SH3BP5L: variants seen among roughly 807,000 people sequenced by gnomAD.
The protein encoded by SH3BP5L is SH3 domain-binding protein 5-like.
A neutral mutation model predicts 40.9 loss-of-function variants in SH3BP5L; 16 were observed. That is an observed-to-expected ratio of 0.39 (90% CI 0.27 to 0.59). The LOEUF (loss-of-function observed/expected upper bound fraction) is 0.59. SH3BP5L is among the 20% of genes least tolerant of loss of function. The pLI is 0.53. For missense variants in SH3BP5L, 471 were observed against 544.6 expected, an observed-to-expected ratio of 0.86 and a Z score of 1.35; for synonymous variants, 229 against 226.7, an observed-to-expected ratio of 1.01 and a Z score of -0.09.
intron 3 of SH3BP5L, 36 bp from the exon 4 acceptor site, chr1:248,816,698 T>G (rs751394994): frequency 2.7e-5 from 44 of 1,613,788 alleles, no homozygotes; most frequent in Non-Finnish European, 3.6e-5. Context: ...GGCACATGTT[T>G]GGGTCCCAGC....
chr1:248,824,273 A>G (rs1159575116), intron 2 of SH3BP5L, among the ~76,000 whole-genome samples: 5 of 152,238 alleles, frequency 3.3e-5, no homozygotes, highest in African/African-American at 4.8e-5. Flanking sequence ...TATCAGAGCA[A>G]TGTGGGCCGC....
rs1664259782 is a variant in SH3BP5L, at chr1:248,821,794, C to CT, written c.183+2958dup. 6.6e-6 allele frequency among the ~76,000 whole-genome samples: 1 copy of CT among 152,186 alleles called. No homozygotes were observed. Among genetic ancestry groups the CT allele is most frequent in the African/African-American group, 2.4e-5 (1 of 41,444 alleles). On this transcript the variant is annotated intron_variant, in intron 2 of 6. Transcript: ENST00000366472. The surrounding 1 kb of genome is among the most constrained non-coding windows in gnomAD (Gnocchi z 4.6). ...CAGCCTTCCCTGGAGGGACAGCACG[C>CT]TCCAGGTAGGCACCAGCTGACTTCC...
In SH3BP5L at chr1:248,811,631, G is replaced by GA; in HGVS notation, c.*268dup. 2.1e-6 allele frequency: 1 copy of GA among 485,452 alleles called. No individual in the cohort carries two copies. The highest frequency in any genetic ancestry group is 3.6e-6 in the Non-Finnish European group (1 of 274,738). 30.1% of individuals were successfully genotyped at this position (485,452 alleles called of 1,614,324 possible). A position where few individuals can be genotyped will look rare whatever the true frequency, so the allele number is the denominator to read the frequency against. On this transcript the variant is annotated 3_prime_UTR_variant, in exon 7 of 7. Transcript: ENST00000366472. ...AAAGGGTCAATGCCCTGCAGATCGT[G>GA]ATGAGCTGGCAGGCAGAGGCAGACA...
At chr1:248,813,499 C>A in intron 5 of SH3BP5L, 1 of 279,258 alleles carries the variant, frequency 3.6e-6, no homozygotes, top group East Asian at 6.1e-5. Flanking sequence ...ATGCTGGTGC[C>A]CACTCAACCA....
In SH3BP5L at chr1:248,824,879, C is replaced by A. The variant is rs764648140; in HGVS notation, c.57G>T (p.Arg19=). Residue 19 remains arginine (R), a synonymous_variant, in exon 2 of 7, where the codon CGG becomes CGT. Coordinates refer to ENST00000366472, the MANE Select transcript of SH3BP5L (RefSeq NM_030645.3). ...GGACTTCATCCTCTACAACTTCAGG[C>A]CGCAGCTCCCCCTGTGGGGTCTCCC... ...GGRETPQGEL[R]PEVVEDEVPR... is the part of the protein sequence containing the mutation. 9 of 1,614,124 alleles carry A rather than the reference C, an allele frequency of 5.6e-6. No individual in the cohort carries two copies. In the Admixed American group the frequency reaches 1.5e-4, roughly 27 times the overall value.
rs1664345255 is a variant in SH3BP5L at position 248,825,168 on chromosome 1, C to T, written c.-233G>A. The T allele has an allele frequency of 3.9e-6, 5 of 1,294,692 alleles. No homozygotes were observed. The South Asian group carries it at 1.1e-4, about 28-fold the overall frequency. 80.2% of individuals were successfully genotyped at this position (1,294,692 alleles called of 1,614,324 possible). A position where few individuals can be genotyped will look rare whatever the true frequency, so the allele number is the denominator to read the frequency against. Reference sequence around the variant, plus strand: ...GTCTGTGCAAAAGTTCTTCCCTTCCCGCCACAGGGAGTCCACTGTGACAAA... The same window carrying T: ...GTCTGTGCAAAAGTTCTTCCCTTCCTGCCACAGGGAGTCCACTGTGACAAA... On this transcript the variant is annotated 5_prime_UTR_variant, in exon 2 of 7. Coordinates refer to ENST00000366472, the MANE Select transcript of SH3BP5L (RefSeq NM_030645.3).
intron 4 of SH3BP5L, chr1:248,814,846 C>T (rs1021311331): frequency 1.9e-5 from 12 of 645,368 alleles, no homozygotes; most frequent in South Asian, 1.8e-4. Flanking sequence ...TGTGTGAAAT[C>T]CAGCACTCCC....
In SH3BP5L at chr1:248,822,004, A is replaced by G. The variant is rs565646997; in HGVS notation, c.183+2749T>C. 4.6e-5 allele frequency among the ~76,000 whole-genome samples: 7 copies of G among 152,316 alleles called. No individual in the cohort carries two copies. In the South Asian group the frequency reaches 1.4e-3, roughly 32 times the overall value. On this transcript the variant is annotated intron_variant, in intron 2 of 6. Coordinates refer to ENST00000366472, the MANE Select transcript of SH3BP5L (RefSeq NM_030645.3). ...GCCCAGTGGATTTGGCTCTGACTGT[A>G]ACATCAGAATCCCTTCTCACCCCAC...
chr1:248,822,321 C>G (rs1664272122), intron 2 of SH3BP5L, among the ~76,000 whole-genome samples: 1 of 152,212 alleles, frequency 6.6e-6, no homozygotes, highest in African/African-American at 2.4e-5. Context: ...AAGGGTGCCC[C>G]TCAAGCCAGG....
intron 2 of SH3BP5L, among the ~76,000 whole-genome samples, chr1:248,817,656 C>T (rs1451882856): frequency 2.6e-5 from 4 of 151,996 alleles, no homozygotes; most frequent in African/African-American, 9.7e-5. Context: ...AGTTTGAGAC[C>T]AGCCTGGGCA....
rs1456209051 is a variant in SH3BP5L at position 248,811,976 on chromosome 1, C to G, written c.1106G>C (p.Gly369Ala). The G allele has an allele frequency of 1.9e-6, 3 of 1,597,988 alleles. No individual in the cohort carries two copies. Among genetic ancestry groups the G allele is most frequent in the Non-Finnish European group, 1.7e-6 (2 of 1,173,310 alleles). ...DHVSLDGQEL[G>A]TRSGGRRGSD... is the part of the protein sequence containing the mutation. ...GCCCCGGCGCCCTCCACTCCGCGTTCCCAGCTCTTGGCCGTCCAGACTGAC... is the reference window on the plus strand; with the variant it reads ...GCCCCGGCGCCCTCCACTCCGCGTTGCCAGCTCTTGGCCGTCCAGACTGAC... Residue 369 changes from glycine (G) to alanine (A), a missense_variant, in exon 7 of 7, where the codon GGA becomes GCA. Transcript: ENST00000366472.
At chr1:248,816,250 T>C (rs1180779986) in intron 4 of SH3BP5L, 2 of 370,124 alleles carry the variant, frequency 5.4e-6, no homozygotes, top group Middle Eastern at 8.0e-4. Flanking sequence ...ATATCTGATA[T>C]ACCCTAAAGC....
chr1:248,822,685 C>T (rs1366069216), intron 2 of SH3BP5L, among the ~76,000 whole-genome samples: 13 of 148,776 alleles, frequency 8.7e-5, no homozygotes, highest in African/African-American at 2.0e-4. Flanking sequence ...TTTTCTGAGA[C>T]GGAGTTTCGC....
chr1:248,823,902 G>A (rs934348063), intron 2 of SH3BP5L, among the ~76,000 whole-genome samples: 1 of 152,344 alleles, frequency 6.6e-6, no homozygotes, highest in East Asian at 1.9e-4. Context: ...GTCGTCACCT[G>A]CCCAAGAAGC....
rs922717590 is a variant in SH3BP5L at position 248,810,769 on chromosome 1, G to C, written c.*1131C>G. On this transcript the variant is annotated 3_prime_UTR_variant, in exon 7 of 7. Coordinates refer to ENST00000366472, the MANE Select transcript of SH3BP5L (RefSeq NM_030645.3). ...CTGGTGTGGCTTCCCTACAAACTGGGAGCACTGCCAGGCAGCTGGAGCTGC... is the reference window on the plus strand; with the variant it reads ...CTGGTGTGGCTTCCCTACAAACTGGCAGCACTGCCAGGCAGCTGGAGCTGC... 1 of 152,398 alleles carries C rather than the reference G, an allele frequency of 6.6e-6. No individual in the cohort carries two copies. Among genetic ancestry groups the C allele is most frequent in the Non-Finnish European group, 1.5e-5 (1 of 68,042 alleles). The allele number at this position is 152,398 out of a possible 1,614,324, so 9.4% of individuals were successfully genotyped here.
At chr1:248,823,679 A>G (rs1572187227) in intron 2 of SH3BP5L, among the ~76,000 whole-genome samples, 1 of 152,128 alleles carries the variant, frequency 6.6e-6, no homozygotes, top group East Asian at 1.9e-4. Context: ...GAACCCACAC[A>G]GAGAGTGAAG....
Position 248,811,916 on chromosome 1 carries a change from C to A in SH3BP5L, c.1166G>T (p.Arg389Leu). ...DGGARGGRHQ[R>L]SVSL is the part of the protein sequence containing the mutation. The stretch of plus-strand genomic sequence containing the variant: ...GCCCCTCGGCTACAGGCTGACGCTG[C>A]GCTGGTGCCGACCCCCACGGGCTCC... Residue 389 changes from arginine (R) to leucine (L), a missense_variant, in exon 7 of 7, where the codon CGC (arginine) becomes CTC (leucine). Physicochemically the swap from Arg to Leu is moderately radical, Grantham distance 102 (BLOSUM62 -2). Transcript: ENST00000366472. The A allele has an allele frequency of 6.5e-7, 1 of 1,537,316 alleles. No homozygotes were observed. The highest frequency in any genetic ancestry group is 1.2e-5 in the South Asian group (1 of 83,148).
chr1:248,819,913 A>G (rs1664210531), intron 2 of SH3BP5L, among the ~76,000 whole-genome samples: 1 of 152,186 alleles, frequency 6.6e-6, no homozygotes, highest in Admixed American at 6.5e-5. Flanking sequence ...TTAATTCTAG[A>G]AGCCACATTT....
Position 248,816,540 on chromosome 1 carries a change from A to C in SH3BP5L, c.369T>G (p.Ala123=). The C allele has an allele frequency of 3.1e-6, 5 of 1,614,016 alleles. No homozygotes were observed. The highest frequency in any genetic ancestry group is 4.2e-6 in the Non-Finnish European group (5 of 1,180,010). ...ARPYYEARRL[A]KEAQQETQKA... Reference sequence around the variant, plus strand: ...CGTGGTCAGCCAGCCATACCTCCTTAGCCAGCCGCCGAGCCTCATAGTAGG... The same window carrying C: ...CGTGGTCAGCCAGCCATACCTCCTTCGCCAGCCGCCGAGCCTCATAGTAGG... Residue 123 remains alanine (A), a synonymous_variant, in exon 4 of 7, where the codon GCT becomes GCG. Coordinates refer to ENST00000366472, the MANE Select transcript of SH3BP5L (RefSeq NM_030645.3).
Sources: allele counts gnomAD v4.1 joint callset (sites outside exome capture counted in the v4.1 genomes callset), GRCh38; gene constraint gnomAD v4.1.1; non-coding constraint Gnocchi (gnomAD v3.1); transcripts MANE v1.5; gene names NCBI Gene and HGNC (gene_info 2026-07-23, HGNC 2026-07-21).